HIVEP1: variants seen among roughly 807,000 people sequenced by gnomAD.
HIVEP1 encodes zinc finger protein 40.
HIVEP1 carries 36 observed loss-of-function variants against 180.0 expected under a neutral mutation model. That is an observed-to-expected ratio of 0.20 (90% CI 0.15 to 0.26). HIVEP1 has a LOEUF of 0.26. HIVEP1 is among the 10% of genes least tolerant of loss of function. HIVEP1 has a pLI of 1.00. For synonymous variants in HIVEP1, 1,239 were observed against 1,239.0 expected (o/e 1.00, Z 0.00); for missense variants, 3,143 against 3,268.7 (o/e 0.96, Z 0.94).
At chr6:12,015,808 TCCTGCA>T (rs1484382179) in intron 2 of HIVEP1, 140 bp downstream of exon 2, 1 of 681,620 alleles carries the variant, frequency 1.5e-6, no homozygotes, top group Non-Finnish European at 2.6e-6. Context: ...TTTCCAGCAG[TCCTGCA>T]CAATTCCTGT....
Position 12,122,869 on chromosome 6 carries a change from C to T in HIVEP1, c.3074C>T (p.Thr1025Met), listed in dbSNP as rs375869388. The T allele has an allele frequency of 1.0e-4, 164 of 1,613,856 alleles. No homozygotes were observed. The highest frequency in any genetic ancestry group is 1.6e-4 in the East Asian group (7 of 44,890). The change falls in exon 4 of 9, where the codon ACG (threonine) becomes ATG (methionine). Residue 1025 changes from threonine to methionine, a missense_variant. Coordinates refer to ENST00000379388, the MANE Select transcript of HIVEP1 (RefSeq NM_002114.4). ...GGGTCCTCCGGCATCTGGGAACAGA[C>T]GCCCCAGATAAGAAAAAGGAGGAAA... ...VAGSSGIWEQTPQIRKRRKMK... is the reference protein window; with the variant it reads ...VAGSSGIWEQMPQIRKRRKMK...
In HIVEP1 at chr6:12,124,107, G is replaced by A; in HGVS notation, c.4312G>A (p.Ala1438Thr). 1 of 1,614,052 alleles carries A rather than the reference G, an allele frequency of 6.2e-7. No individual in the cohort carries two copies. The highest frequency in any genetic ancestry group is 8.5e-7 in the Non-Finnish European group (1 of 1,179,996). Residue 1438 changes from alanine to threonine, a missense_variant, in exon 4 of 9, where the codon GCC becomes ACC. Physicochemically the swap from Ala to Thr is moderately conservative, Grantham distance 58. This residue lies in a region of HIVEP1 where 1,357 missense variants were observed against 1,260.5 expected (regional missense o/e 1.08). Coordinates refer to ENST00000379388, the MANE Select transcript of HIVEP1 (RefSeq NM_002114.4). ...GGTACGGCAAATATCTTTAAACATA[G>A]CCCCAGATAGTCATCTGTCTCCTGT... Reference protein sequence around the residue: ...PLVRQISLNIAPDSHLSPVHP... With the variant: ...PLVRQISLNITPDSHLSPVHP...
At chr6:12,037,971 C>T (rs189240633) in intron 2 of HIVEP1, 214 of 385,706 alleles carry the variant, frequency 5.5e-4, no homozygotes, top group African/African-American at 4.1e-3. Context: ...TGTGTTGGCC[C>T]CCCAAAGCAC....
Position 12,124,266 on chromosome 6 carries a change from C to T in HIVEP1, c.4471C>T (p.Leu1491=). ...GCACTCTCAGACTCAGGTTAAGGAT[C>T]TGCAGGCAGAAACATCAAACTCCAG... The part of the protein sequence containing the change: ...TLHSQTQVKD[L]QAETSNSSST... The change falls in exon 4 of 9, where the codon CTG becomes TTG. Residue 1491 remains leucine, a synonymous_variant. Coordinates refer to ENST00000379388, the MANE Select transcript of HIVEP1 (RefSeq NM_002114.4). 5 of 1,614,160 alleles carry T rather than the reference C, an allele frequency of 3.1e-6. No individual in the cohort carries two copies. Among genetic ancestry groups the T allele is most frequent in the Non-Finnish European group, 4.2e-6 (5 of 1,180,038 alleles).
chr6:12,103,643 G>C (rs1447004786), intron 3 of HIVEP1, among the ~76,000 whole-genome samples: 1 of 151,670 alleles, frequency 6.6e-6, no homozygotes, highest in Non-Finnish European at 1.5e-5. Flanking sequence ...TTTAATATAC[G>C]TTACTTGAAA....
Position 12,124,028 on chromosome 6 carries a change from T to TCGAGTGGGAG in HIVEP1, c.4234_4243dup (p.Val1415AlafsTer30). The TCGAGTGGGAG allele has an allele frequency of 6.2e-7, 1 of 1,614,082 alleles. No homozygotes were observed. The highest frequency in any genetic ancestry group is 8.5e-7 in the Non-Finnish European group (1 of 1,179,996). On this transcript the variant is annotated frameshift_variant, in exon 4 of 9. Coordinates refer to ENST00000379388, the MANE Select transcript of HIVEP1 (RefSeq NM_002114.4). LOFTEE classifies it high-confidence loss of function. ...AATTGCAGCCTCCATCTTCACCTTCTCGAGTGGGAGTGACTGGGCATGTGC... is the reference window on the plus strand; with the variant it reads ...AATTGCAGCCTCCATCTTCACCTTCTCGAGTGGGAGCGAGTGGGAGTGACTGGGCATGTGC...
In HIVEP1 at chr6:12,120,732, A is replaced by C. The variant is rs1412968294; in HGVS notation, c.937A>C (p.Asn313His). 4 of 1,614,096 alleles carry C rather than the reference A, an allele frequency of 2.5e-6. No individual in the cohort carries two copies. Among genetic ancestry groups the C allele is most frequent in the Non-Finnish European group, 3.4e-6 (4 of 1,180,044 alleles). ...TTCAGGTTTCACAGGATCACTGACA[A>C]ATCTGCAAAATCAAGAGAATGCCAA... ...GCSGFTGSLT[N>H]LQNQENAKLE... Residue 313 changes from asparagine (N) to histidine (H), a missense_variant, in exon 4 of 9, where the codon AAT (asparagine) becomes CAT (histidine). Physicochemically the swap from Asn to His is moderately conservative, Grantham distance 68. This residue lies in a region of HIVEP1 where 306 missense variants were observed against 310.6 expected (regional missense o/e 0.99). Transcript: ENST00000379388.
upstream of HIVEP1, among the ~76,000 whole-genome samples, chr6:12,009,209 C>T (rs1489194862): frequency 1.4e-5 from 2 of 148,118 alleles, no homozygotes; most frequent in East Asian, 3.9e-4. Flanking sequence ...GGTGCCTGAG[C>T]CGGGCCCGGC....
At position 12,094,006 on chromosome 6, in the gene HIVEP1, C is replaced by A. The variant is rs546313472; in HGVS notation, c.94+4769C>A. On this transcript the variant is annotated intron_variant, in intron 3 of 8. Coordinates refer to ENST00000379388, the MANE Select transcript of HIVEP1 (RefSeq NM_002114.4). ...CTTCACAGTTTTCAGGCCTTCTATT[C>A]AAAAAAGATTGTATATTTCTGATAC... is the stretch of plus-strand genomic sequence containing the variant. Among the ~76,000 whole-genome samples the A allele has an allele frequency of 1.8e-4, 28 of 152,032 alleles. No homozygotes were observed. In the East Asian group the frequency reaches 2.3e-3, roughly 13 times the overall value.
chr6:12,205,328 A>G, the HIVEP1 span, among the ~76,000 whole-genome samples: 37 of 152,216 alleles, frequency 2.4e-4, no homozygotes, highest in African/African-American at 6.5e-4. Context: ...AAAATTAGCC[A>G]GGCTTGGTGG....
At chr6:12,099,333 A>AT (rs1351368647) in intron 3 of HIVEP1, among the ~76,000 whole-genome samples, 11 of 151,274 alleles carry the variant, frequency 7.3e-5, no homozygotes, top group Admixed American at 1.3e-4. Flanking sequence ...ACGCCCGGCT[A>AT]TTTTTTGTAG....
At chr6:12,176,386 C>G in the HIVEP1 span, among the ~76,000 whole-genome samples, 2 of 152,078 alleles carry the variant, frequency 1.3e-5, no homozygotes, top group Non-Finnish European at 2.9e-5. Flanking sequence ...CGCCTGCCAT[C>G]ATGCCTGGCT....
the HIVEP1 span, among the ~76,000 whole-genome samples, chr6:12,204,020 T>A: frequency 2.0e-4 from 30 of 151,580 alleles, no homozygotes; most frequent in African/African-American, 6.8e-4. Context: ...GAGGTTGCAG[T>A]GAGCTGAGTT....
At chr6:12,126,142 T>C (rs910986016) in intron 4 of HIVEP1, among the ~76,000 whole-genome samples, 1 of 152,246 alleles carries the variant, frequency 6.6e-6, no homozygotes, top group Admixed American at 6.5e-5. Context: ...TATAAGTCTT[T>C]ACTTAGTAGT....
At chr6:12,204,360 T>TCCCTTCCCCGTCTTCCTCTTTTCCCTC in the HIVEP1 span, among the ~76,000 whole-genome samples, 1 of 150,526 alleles carries the variant, frequency 6.6e-6, no homozygotes, top group East Asian at 2.0e-4. Context: ...TCAAGCTTCC[T>TCCCTTCCCCGTCTTCCTCTTTTCCCTC]CCCTTCCCCG....
the HIVEP1 span, among the ~76,000 whole-genome samples, chr6:12,196,852 T>C: frequency 6.6e-6 from 1 of 152,226 alleles, no homozygotes; most frequent in Non-Finnish European, 1.5e-5. Context: ...TTTAGCTTTA[T>C]GCTATGCTAG....
intron 5 of HIVEP1, 108 bp downstream of exon 5, chr6:12,130,000 A>G (rs1758330839): frequency 1.4e-6 from 1 of 711,280 alleles, no homozygotes; most frequent in African/African-American, 1.8e-5. Flanking sequence ...CGATGTTGCA[A>G]GGTTTCTCAG....
At chr6:12,209,392 C>T in the HIVEP1 span, among the ~76,000 whole-genome samples, 2 of 152,166 alleles carry the variant, frequency 1.3e-5, no homozygotes, top group African/African-American at 2.4e-5. Flanking sequence ...CAGATAGCAC[C>T]GCTGCACTCC....
At chr6:12,184,056 GAC>G in the HIVEP1 span, among the ~76,000 whole-genome samples, 2 of 148,698 alleles carry the variant, frequency 1.3e-5, no homozygotes, top group Admixed American at 6.7e-5. Context: ...CAGACAGACA[GAC>G]AGACTGATTT....
Sources: allele counts gnomAD v4.1 joint callset (sites outside exome capture counted in the v4.1 genomes callset), GRCh38; gene constraint gnomAD v4.1.1; regional missense constraint gnomAD v4.1.1; transcripts MANE v1.5; gene names NCBI Gene and HGNC (gene_info 2026-07-23, HGNC 2026-07-21).